The following HSP90AA1 variants were observed in gnomAD, a reference collection of about 807,000 sequenced individuals.
The protein encoded by HSP90AA1 is heat shock protein HSP 90-alpha.
Under a neutral mutation model 73.3 loss-of-function variants are expected in HSP90AA1, and 18 were observed. The ratio of observed to expected loss-of-function variants is 0.25; its 90% CI spans 0.17 to 0.36. The LOEUF (loss-of-function observed/expected upper bound fraction) is 0.36. Among genes scored for constraint, HSP90AA1 ranks in the 10% least tolerant of loss-of-function variants. HSP90AA1 has a pLI of 1.00. For missense variants in HSP90AA1, 704 were observed against 874.2 expected, an observed-to-expected ratio of 0.81 and a Z score of 2.45; for synonymous variants, 477 against 296.9, an observed-to-expected ratio of 1.61 and a Z score of -6.24.
rs573044517 is a variant in HSP90AA1, at chr14:102,102,765, G to T, written c.156-680C>A. 3.3e-5 allele frequency among the ~76,000 whole-genome samples: 5 copies of T among 152,324 alleles called. No homozygotes were observed. In the South Asian group the frequency reaches 1.0e-3, roughly 32 times the overall value. On this transcript the variant is annotated intron_variant, in intron 1 of 11. Transcript: ENST00000334701. ...ATAATAAGCACTCAAGGCCGGGAGT[G>T]GTGGCTCACGCCTGTAATCCCAACA...
intron 2 of HSP90AA1, among the ~76,000 whole-genome samples, chr14:102,094,692 G>T (rs2049401577): frequency 2.6e-5 from 4 of 152,222 alleles, no homozygotes; most frequent in Admixed American, 2.6e-4. Context: ...CAGTGGGTAG[G>T]GGGACACGGA....
chr14:102,097,595 G>A (rs1026780170), intron 2 of HSP90AA1, among the ~76,000 whole-genome samples: 7 of 151,796 alleles, frequency 4.6e-5, no homozygotes, highest in African/African-American at 1.7e-4. Flanking sequence ...AACAGGCCTA[G>A]CTGGTCCGTC....
rs758715454 is a variant in HSP90AA1 at position 102,084,482 on chromosome 14, C to T, written c.1064G>A (p.Arg355Lys). ...RRAPFDLFEN[R>K]KKKNNIKLYV... is the part of the protein sequence containing the mutation. ...CAATTTGATGTTGTTCTTTTTCTTT[C>T]TGTTTTCAAACAGATCAAAAGGAGC... is the stretch of plus-strand genomic sequence containing the variant. Residue 355 changes from arginine (R) to lysine (K), a missense_variant, in exon 6 of 11, where the codon AGA becomes AAA. By Grantham distance (26) the Arg-to-Lys change is conservative (BLOSUM62 2). Coordinates refer to ENST00000216281, the MANE Select transcript of HSP90AA1 (RefSeq NM_005348.4). 12 of 1,613,918 alleles carry T rather than the reference C, an allele frequency of 7.4e-6. No individual in the cohort carries two copies. The highest frequency in any genetic ancestry group is 4.0e-5 in the African/African-American group (3 of 74,932).
chr14:102,102,809 G>A (rs1038512404), intron 1 of HSP90AA1, among the ~76,000 whole-genome samples: 6 of 152,168 alleles, frequency 3.9e-5, no homozygotes, highest in African/African-American at 1.4e-4. Flanking sequence ...GCCAAGGGGA[G>A]TGCATTGCTT....
chr14:102,082,222 T>G lies in HSP90AA1; in HGVS notation c.1978A>C (p.Lys660Gln). Reference protein sequence around the residue: ...AEADKNDKSVKDLVILLYETA... With the variant: ...AEADKNDKSVQDLVILLYETA... ...TCATAAAGCAAGATGACCAGATCCT[T>G]CACAGACTTGTCGTTCTTATCAGCC... is the stretch of plus-strand genomic sequence containing the variant. Residue 660 changes from lysine (K) to glutamine (Q), a missense_variant, in exon 10 of 11, where the codon AAG (lysine) becomes CAG (glutamine). By Grantham distance (53) the Lys-to-Gln change is moderately conservative. Transcript: ENST00000216281. 6.2e-7 allele frequency: 1 copy of G among 1,613,914 alleles called. No homozygotes were observed. Among genetic ancestry groups the G allele is most frequent in the Non-Finnish European group, 8.5e-7 (1 of 1,179,792 alleles).
chr14:102,127,763 C>T (rs963544567), intron 1 of HSP90AA1, among the ~76,000 whole-genome samples: 7 of 152,080 alleles, frequency 4.6e-5, no homozygotes, highest in African/African-American at 1.7e-4. Flanking sequence ...GCGATCCTCC[C>T]AACTCAGCCT....
chr14:102,086,458 AT>A lies in HSP90AA1; in HGVS notation c.1-81del. On this transcript the variant is annotated intron_variant, in intron 1 of 10. Transcript: ENST00000216281. ...CGAAATTCCATCGCGTTCTCCAAAT[AT>A]TTTTAAAGCCGAATTGGAGATTTGC... 4.0e-6 allele frequency: 6 copies of A among 1,496,062 alleles called. No individual in the cohort carries two copies. The South Asian group carries it at 6.8e-5, about 17-fold the overall frequency. 92.7% of individuals were successfully genotyped at this position (1,496,062 alleles called of 1,614,324 possible).
intron 6 of HSP90AA1, 94 bp downstream of exon 6, chr14:102,084,305 C>CA (rs1226496351): frequency 8.1e-7 from 1 of 1,234,726 alleles, no homozygotes; most frequent in East Asian, 2.3e-5. Context: ...CCCGGCCTCC[C>CA]AAAGTGCTAG....
rs1331563005 is a variant in HSP90AA1, at chr14:102,081,332, G to A, written c.*380C>T. 3.0e-6 allele frequency: 1 copy of A among 330,892 alleles called. No homozygotes were observed. The highest frequency in any genetic ancestry group is 4.5e-5 in the Admixed American group (1 of 22,000). The allele number at this position is 330,892 out of a possible 1,614,324, so 20.5% of individuals were successfully genotyped here. ...GTTCAAAAAGTAGATCCTACAAGAT[G>A]TAACGAATACTTTTCTAAACATCAA... is the stretch of plus-strand genomic sequence containing the variant. On this transcript the variant is annotated 3_prime_UTR_variant, in exon 11 of 11. Transcript: ENST00000216281.
At chr14:102,106,830 C>T (rs547394667) in intron 1 of HSP90AA1, among the ~76,000 whole-genome samples, 1 of 151,944 alleles carries the variant, frequency 6.6e-6, no homozygotes, top group South Asian at 2.1e-4. Flanking sequence ...AAGTGTGAGC[C>T]GCTGCGCCCA....
At chr14:102,115,000 T>C (rs2049688394) in intron 1 of HSP90AA1, among the ~76,000 whole-genome samples, 1 of 151,888 alleles carries the variant, frequency 6.6e-6, no homozygotes, top group South Asian at 2.1e-4. Flanking sequence ...CAAAATTAGC[T>C]GGGTGTAGTG....
intron 10 of HSP90AA1, 39 bp from the exon 11 acceptor site, chr14:102,081,860 T>G (rs1234041564): frequency 1.0e-6 from 1 of 994,180 alleles, no homozygotes; most frequent in South Asian, 1.3e-5. Flanking sequence ...CAAAGATTTC[T>G]TAAAGCCAGC....
At chr14:102,089,873 C>T (rs532347238), upstream of HSP90AA1, among the ~76,000 whole-genome samples, 5 of 152,318 alleles carry the variant, frequency 3.3e-5, no homozygotes, top group South Asian at 4.1e-4. Flanking sequence ...TCCACACAAC[C>T]GTCAGCTCAC....
At chr14:102,081,861 T>C (rs2049107608) in intron 10 of HSP90AA1, 40 bp from the exon 11 acceptor site, 1 of 972,068 alleles carries the variant, frequency 1.0e-6, no homozygotes, top group Non-Finnish European at 1.7e-6. Flanking sequence ...AAAGATTTCT[T>C]AAAGCCAGCT....
chr14:102,130,006 T>C (rs1465922667), intron 1 of HSP90AA1, among the ~76,000 whole-genome samples: 1 of 152,064 alleles, frequency 6.6e-6, no homozygotes, highest in Non-Finnish European at 1.5e-5. Context: ...AGTCTCGCTC[T>C]GTCGCCCAGG....
chr14:102,135,310 T>C (rs1204250510), intron 1 of HSP90AA1, among the ~76,000 whole-genome samples: 1 of 147,724 alleles, frequency 6.8e-6, no homozygotes, highest in Non-Finnish European at 1.5e-5. Flanking sequence ...TGCCGACTGG[T>C]GTATTTACAA....
intron 10 of HSP90AA1, 79 bp downstream of exon 10, chr14:102,082,032 G>T: frequency 2.9e-6 from 3 of 1,033,050 alleles, no homozygotes; most frequent in Admixed American, 1.9e-5. Flanking sequence ...CTCCAAGTTT[G>T]GATAACTGAA....
intron 1 of HSP90AA1, among the ~76,000 whole-genome samples, chr14:102,132,429 C>T (rs936482119): frequency 2.0e-5 from 3 of 152,064 alleles, no homozygotes; most frequent in Non-Finnish European, 4.4e-5. Flanking sequence ...TTCCTGTAGT[C>T]CCAGCTACTC....
rs2049098645 is a variant in HSP90AA1 at position 102,081,542 on chromosome 14, A to G, written c.*170T>C. 1.6e-6 allele frequency: 1 copy of G among 627,304 alleles called. No individual in the cohort carries two copies. Among genetic ancestry groups the G allele is most frequent in the South Asian group, 1.9e-5 (1 of 52,534 alleles). 38.9% of individuals were successfully genotyped at this position (627,304 alleles called of 1,614,324 possible). On this transcript the variant is annotated 3_prime_UTR_variant, in exon 11 of 11. Coordinates refer to ENST00000216281, the MANE Select transcript of HSP90AA1 (RefSeq NM_005348.4). ...CATTACTAGCTCTGCTTTAGTGCCT[A>G]AGGTATCACAGCATCACTTAGTAGA...
Sources: allele counts gnomAD v4.1 joint callset (sites outside exome capture counted in the v4.1 genomes callset), GRCh38; gene constraint gnomAD v4.1.1; transcripts MANE v1.5; gene names NCBI Gene and HGNC (gene_info 2026-07-23, HGNC 2026-07-21).